SPHKAP: variants seen among roughly 807,000 people sequenced by gnomAD.
SPHKAP encodes A-kinase anchor protein SPHKAP.
SPHKAP carries 67 observed loss-of-function variants against 137.5 expected under a neutral mutation model. That is an observed-to-expected ratio of 0.49 (90% CI 0.40 to 0.60). The LOEUF (loss-of-function observed/expected upper bound fraction) is 0.60, where lower values mean the gene tolerates loss of function less well. Among genes scored for constraint, SPHKAP ranks in the 20% least tolerant of loss-of-function variants. The pLI is 0.00. For synonymous variants in SPHKAP, 813 were observed against 785.3 expected (o/e 1.04, Z -0.59); for missense variants, 2,097 against 2,069.3 (o/e 1.01, Z -0.26).
chr2:228,018,706 C>A lies in SPHKAP; in HGVS notation c.2148G>T (p.Val716=). ...TCATCTTCTTGAACGTGAAGCATAT[C>A]ACATCTAAAAGCAGTTGATTTGTAC... The part of the protein sequence containing the change: ...MESTNQLLLD[V]ICFTFKKMSH... Residue 716 remains valine, a synonymous_variant, in exon 7 of 12, where the codon GTG becomes GTT. Coordinates refer to ENST00000392056, the MANE Select transcript of SPHKAP (RefSeq NM_001142644.2). The A allele has an allele frequency of 6.2e-7, 1 of 1,614,194 alleles. No individual in the cohort carries two copies. The highest frequency in any genetic ancestry group is 1.1e-5 in the South Asian group (1 of 91,082).
intron 1 of SPHKAP, among the ~76,000 whole-genome samples, chr2:228,178,913 CAAAG>C (rs958462350): frequency 4.6e-5 from 7 of 150,898 alleles, no homozygotes; most frequent in African/African-American, 1.5e-4. Context: ...TTTAATAACT[CAAAG>C]AACCCAAAAC....
At chr2:228,106,018 C>T (rs564078489) in intron 3 of SPHKAP, among the ~76,000 whole-genome samples, 46 of 152,168 alleles carry the variant, frequency 3.0e-4, no homozygotes, top group Non-Finnish European at 5.7e-4. Context: ...TATCATATTT[C>T]TAGCTGCTCC....
intron 3 of SPHKAP, among the ~76,000 whole-genome samples, chr2:228,070,858 C>T (rs965269567): frequency 2.6e-5 from 4 of 152,096 alleles, no homozygotes; most frequent in Non-Finnish European, 1.5e-5. Flanking sequence ...CCTTATGACA[C>T]CCTGATTTAC....
At chr2:228,027,333 G>GGGT (rs1695082987) in intron 4 of SPHKAP, 151 bp downstream of exon 4, 2 of 763,754 alleles carry the variant, frequency 2.6e-6, no homozygotes, top group Non-Finnish European at 4.3e-6. Context: ...AAACGGTAGA[G>GGGT]GGTAAGTGCT....
chr2:228,150,987 G>A (rs1264456846), intron 1 of SPHKAP, among the ~76,000 whole-genome samples: 4 of 151,718 alleles, frequency 2.6e-5, no homozygotes, highest in African/African-American at 7.2e-5. Context: ...CAATGTGCAG[G>A]TTAGTTTCAT....
rs1213889932 is a variant in SPHKAP at position 228,017,229 on chromosome 2, T to C, written c.3625A>G (p.Ser1209Gly). The part of the protein sequence containing the change: ...LRDIERDSRE[S>G]ASSRRSSQDW... ...TGGCTGCTCCGTCTGGAGGAGGCAC[T>C]TTCTCTGCTGTCTCTTTCGATGTCC... is the stretch of plus-strand genomic sequence containing the variant. Residue 1209 changes from serine to glycine, a missense_variant, in exon 7 of 12, where the codon AGT becomes GGT. Physicochemically the swap from Ser to Gly is moderately conservative, Grantham distance 56 (BLOSUM62 0). Coordinates refer to ENST00000392056, the MANE Select transcript of SPHKAP (RefSeq NM_001142644.2). 37 of 1,613,912 alleles carry C rather than the reference T, an allele frequency of 2.3e-5. No individual in the cohort carries two copies. Among genetic ancestry groups the C allele is most frequent in the Non-Finnish European group, 3.1e-5 (36 of 1,180,030 alleles).
chr2:228,133,164 G>A (rs75500572), intron 1 of SPHKAP, among the ~76,000 whole-genome samples: 51,850 of 151,258 alleles, frequency 0.34, 9,139 homozygotes, highest in East Asian at 0.51. Context: ...AAAATTAGCC[G>A]GGCATGGTGG....
At chr2:228,090,098 T>A (rs1335809698) in intron 3 of SPHKAP, among the ~76,000 whole-genome samples, 2 of 152,122 alleles carry the variant, frequency 1.3e-5, no homozygotes, top group African/African-American at 4.8e-5. Flanking sequence ...AACCTCAGCA[T>A]GGAAAAACTG....
chr2:228,077,686 T>C (rs905091575), intron 3 of SPHKAP, among the ~76,000 whole-genome samples: 3 of 152,252 alleles, frequency 2.0e-5, no homozygotes, highest in Admixed American at 6.5e-5. Context: ...GGATTTGCCC[T>C]GTCTCAGATG....
At chr2:228,131,171 T>A in intron 2 of SPHKAP, 1 of 332,904 alleles carries the variant, frequency 3.0e-6, no homozygotes, top group Non-Finnish European at 4.3e-6. Context: ...ATATACACAA[T>A]ACATACACAT....
intron 4 of SPHKAP, 47 bp downstream of exon 4, chr2:228,027,437 A>G (rs1379823906): frequency 2.5e-6 from 4 of 1,582,800 alleles, no homozygotes; most frequent in African/African-American, 1.3e-5. Context: ...ATCAAGTTGA[A>G]TAGTCCTTGT....
intron 1 of SPHKAP, among the ~76,000 whole-genome samples, chr2:228,159,972 T>C (rs1197537110): frequency 1.3e-5 from 2 of 152,212 alleles, no homozygotes; most frequent in Non-Finnish European, 2.9e-5. Flanking sequence ...TCTTGTTCAT[T>C]TGGAGAGGAA....
chr2:228,134,874 T>C (rs1699384556), intron 1 of SPHKAP, among the ~76,000 whole-genome samples: 1 of 152,096 alleles, frequency 6.6e-6, no homozygotes, highest in Non-Finnish European at 1.5e-5. Flanking sequence ...ACATCTCCCA[T>C]GACTTTTCGC....
intron 3 of SPHKAP, among the ~76,000 whole-genome samples, chr2:228,093,975 GTTTCT>G (rs1330265418): frequency 6.6e-6 from 1 of 151,176 alleles, no homozygotes; most frequent in Non-Finnish European, 1.5e-5. Flanking sequence ...GCAAAGTGGA[GTTTCT>G]TTTGAGGTAA....
chr2:228,143,712 G>A (rs1574890908), intron 1 of SPHKAP, among the ~76,000 whole-genome samples: 1 of 143,470 alleles, frequency 7.0e-6, no homozygotes, highest in African/African-American at 2.6e-5. Context: ...CACCATGTTG[G>A]CCAGGCTAAT....
intron 1 of SPHKAP, among the ~76,000 whole-genome samples, chr2:228,166,963 G>A (rs963993019): frequency 2.0e-5 from 3 of 151,976 alleles, no homozygotes; most frequent in Non-Finnish European, 4.4e-5. Context: ...AGAGAGAGAG[G>A]GGAGGGTGCC....
intron 7 of SPHKAP, among the ~76,000 whole-genome samples, chr2:228,004,010 G>T (rs939978046): frequency 1.3e-5 from 2 of 152,276 alleles, no homozygotes; most frequent in Middle Eastern, 3.4e-3. Flanking sequence ...AGGGATATTG[G>T]TCTAAAATTC....
chr2:228,041,952 C>G (rs749512599), intron 3 of SPHKAP, among the ~76,000 whole-genome samples: 1 of 151,930 alleles, frequency 6.6e-6, no homozygotes, highest in African/African-American at 2.4e-5. Context: ...CTTTACTAGT[C>G]GGCAGTCTTA....
intron 3 of SPHKAP, among the ~76,000 whole-genome samples, chr2:228,073,441 G>A (rs1401424197): frequency 1.3e-5 from 2 of 152,138 alleles, no homozygotes; most frequent in African/African-American, 4.8e-5. Context: ...CAAGTATGTG[G>A]GTGTTAGGTA....
Sources: allele counts gnomAD v4.1 joint callset (sites outside exome capture counted in the v4.1 genomes callset), GRCh38; gene constraint gnomAD v4.1.1; transcripts MANE v1.5; gene names NCBI Gene and HGNC (gene_info 2026-07-23, HGNC 2026-07-21).